DGKH: variants seen among roughly 807,000 people sequenced by gnomAD.
DGKH encodes DAG kinase eta.
In DGKH, 90 loss-of-function variants were observed where a neutral mutation model predicts 159.3. That is an observed-to-expected ratio of 0.57 (90% confidence interval 0.48 to 0.67). DGKH has a LOEUF of 0.67. Among genes scored for constraint, DGKH ranks in the 30% least tolerant of loss-of-function variants. The pLI, the probability that DGKH is intolerant of heterozygous loss-of-function variation, is 0.00. For synonymous variants in DGKH, 536 were observed against 553.8 expected (o/e 0.97, Z 0.45); for missense variants, 1,181 against 1,506.1 (o/e 0.78, Z 3.57).
At chr13:42,084,119 C>T (rs1394214003) in intron 1 of DGKH, among the ~76,000 whole-genome samples, 1 of 152,112 alleles carries the variant, frequency 6.6e-6, no homozygotes, top group East Asian at 1.9e-4. Flanking sequence ...AACTCCTGGT[C>T]ATCCATATTC....
At chr13:42,190,658 CT>C in intron 16 of DGKH, 133 bp downstream of exon 16, 1 of 824,314 alleles carries the variant, frequency 1.2e-6, no homozygotes, top group Non-Finnish European at 1.8e-6. Context: ...GAAGTTAAAG[CT>C]TAGATAAATA....
At chr13:42,204,177 T>G (rs1372649753) in intron 20 of DGKH, among the ~76,000 whole-genome samples, 1 of 152,228 alleles carries the variant, frequency 6.6e-6, no homozygotes, top group Non-Finnish European at 1.5e-5. Context: ...TTTACAGAGA[T>G]AGTATTTTTC....
chr13:42,149,087 G>A (rs1392489809), intron 3 of DGKH, among the ~76,000 whole-genome samples: 7 of 151,606 alleles, frequency 4.6e-5, no homozygotes, highest in African/African-American at 1.5e-4. Flanking sequence ...ATGCCACCAT[G>A]CTAGGCTAAT....
At chr13:42,248,586 AT>A (rs1373089807) in intron 29 of DGKH, among the ~76,000 whole-genome samples, 1 of 147,482 alleles carries the variant, frequency 6.8e-6, no homozygotes, top group Non-Finnish European at 1.5e-5. Context: ...AAAATAATTT[AT>A]AATTTCAATG....
At chr13:42,057,402 A>C (rs1881843247) in intron 1 of DGKH, among the ~76,000 whole-genome samples, 2 of 152,220 alleles carry the variant, frequency 1.3e-5, no homozygotes, top group African/African-American at 4.8e-5. Flanking sequence ...TTATCTGAGC[A>C]GGCACGGTGA....
chr13:42,047,651 GTGCCCGC>G (rs1880883853), upstream of DGKH, among the ~76,000 whole-genome samples: 1 of 152,196 alleles, frequency 6.6e-6, no homozygotes, highest in South Asian at 2.1e-4. Context: ...CGGTTCCCAA[GTGCCCGC>G]GCAGCCAGCT....
chr13:42,045,673 C>T (rs1334436794), upstream of DGKH, among the ~76,000 whole-genome samples: 3 of 152,204 alleles, frequency 2.0e-5, no homozygotes, highest in African/African-American at 7.2e-5. Flanking sequence ...AATGCCTGTA[C>T]TTGGTCAACC....
chr13:42,087,856 A>G (rs1227442444), intron 1 of DGKH, among the ~76,000 whole-genome samples: 1 of 151,960 alleles, frequency 6.6e-6, no homozygotes, highest in Non-Finnish European at 1.5e-5. Context: ...CATTTGAGGA[A>G]GTAATGGCCA....
intron 3 of DGKH, among the ~76,000 whole-genome samples, chr13:42,145,786 AAC>A (rs1046414896): frequency 6.6e-6 from 1 of 152,212 alleles, no homozygotes; most frequent in African/African-American, 2.4e-5. Context: ...AATCTAGCAT[AAC>A]ACTATTTAGT....
chr13:42,112,681 A>G (rs970361420), intron 1 of DGKH, among the ~76,000 whole-genome samples: 2 of 152,254 alleles, frequency 1.3e-5, no homozygotes, highest in Non-Finnish European at 1.5e-5. Context: ...AATCACCCTC[A>G]TCATCTGATT....
intron 1 of DGKH, among the ~76,000 whole-genome samples, chr13:42,119,211 G>C (rs1476185650): frequency 6.6e-6 from 1 of 152,128 alleles, no homozygotes; most frequent in African/African-American, 2.4e-5. Context: ...TCTCCTCAAA[G>C]CATCTTGAAA....
chr13:42,080,097 A>G (rs781261305), intron 1 of DGKH, among the ~76,000 whole-genome samples: 2 of 152,198 alleles, frequency 1.3e-5, no homozygotes, highest in African/African-American at 2.4e-5. Context: ...TTGAAGTTCA[A>G]TAATTTAATG....
At chr13:42,256,041 C>T (rs1958655041) in intron 30 of DGKH, 2 of 1,481,244 alleles carry the variant, frequency 1.4e-6, no homozygotes, top group African/African-American at 1.4e-5. Flanking sequence ...TTTCTGGGTT[C>T]TGGCCCTTGG....
At chr13:42,063,394 G>A (rs1036989236) in intron 1 of DGKH, among the ~76,000 whole-genome samples, 1 of 152,164 alleles carries the variant, frequency 6.6e-6, no homozygotes, top group African/African-American at 2.4e-5. Context: ...GCAGTAGAGA[G>A]GTTGCTGTGA....
At chr13:42,046,697 G>A (rs1177594879), upstream of DGKH, among the ~76,000 whole-genome samples, 1 of 152,212 alleles carries the variant, frequency 6.6e-6, no homozygotes. Context: ...ATCACTCGCT[G>A]CCTGGATTCT....
chr13:42,182,457 AG>A (rs111597929), intron 13 of DGKH, among the ~76,000 whole-genome samples: 12,630 of 152,198 alleles, frequency 0.083, 1,419 homozygotes, highest in African/African-American at 0.26. Context: ...CAATATTCAT[AG>A]GTACTCAAGT....
intron 16 of DGKH, among the ~76,000 whole-genome samples, chr13:42,194,030 T>A (rs1445983149): frequency 6.6e-6 from 1 of 152,214 alleles, no homozygotes; most frequent in African/African-American, 2.4e-5. Flanking sequence ...ATTGAGCTTT[T>A]ACAAGAATAT....
intron 3 of DGKH, among the ~76,000 whole-genome samples, chr13:42,134,440 A>G (rs1594072399): frequency 6.6e-6 from 1 of 152,224 alleles, no homozygotes; most frequent in African/African-American, 2.4e-5. Flanking sequence ...TGCCTCAGGT[A>G]TTCTATTAGT....
At chr13:42,074,028 T>C (rs1317604308) in intron 1 of DGKH, among the ~76,000 whole-genome samples, 1 of 152,240 alleles carries the variant, frequency 6.6e-6, no homozygotes, top group Non-Finnish European at 1.5e-5. Context: ...TTAGACTGTC[T>C]ACAACAGGAA....
Sources: allele counts gnomAD v4.1 joint callset (sites outside exome capture counted in the v4.1 genomes callset), GRCh38; gene constraint gnomAD v4.1.1; transcripts MANE v1.5; gene names NCBI Gene and HGNC (gene_info 2026-07-23, HGNC 2026-07-21).